The following CPQ variants were observed in gnomAD, a reference collection of about 807,000 sequenced individuals.
CPQ encodes the protein Ser-Met dipeptidase.
Under a neutral mutation model 45.7 loss-of-function variants are expected in CPQ, and 37 were observed. The observed-to-expected ratio is 0.81, with a 90% CI of 0.62 to 1.07. CPQ has a LOEUF of 1.07. CPQ is among the 50% of genes least tolerant of loss of function. The pLI, the probability that CPQ is intolerant of heterozygous loss-of-function variation, is 0.00. For synonymous variants in CPQ, 186 were observed against 205.8 expected, an observed-to-expected ratio of 0.90 and a Z score of 0.82; for missense variants, 537 against 572.9, an observed-to-expected ratio of 0.94 and a Z score of 0.64.
chr8:96,925,983 C>T (rs536687356), intron 4 of CPQ, among the ~76,000 whole-genome samples: 10 of 152,166 alleles, frequency 6.6e-5, no homozygotes, highest in South Asian at 2.1e-4. Context: ...CCACCGCGCC[C>T]GGCTGGCATC....
At chr8:96,924,633 G>A (rs1035395379) in intron 4 of CPQ, among the ~76,000 whole-genome samples, 1 of 152,050 alleles carries the variant, frequency 6.6e-6, no homozygotes, top group Non-Finnish European at 1.5e-5. Context: ...TGGTGTTTTC[G>A]AAAGCAGACA....
intron 1 of CPQ, among the ~76,000 whole-genome samples, chr8:96,751,909 G>A (rs1170139202): frequency 6.6e-6 from 1 of 152,198 alleles, no homozygotes; most frequent in Non-Finnish European, 1.5e-5. Context: ...TTTCCACATT[G>A]TTTGTTTTTG....
intron 4 of CPQ, among the ~76,000 whole-genome samples, chr8:96,896,664 A>G (rs572042214): frequency 6.6e-6 from 1 of 152,240 alleles, no homozygotes; most frequent in South Asian, 2.1e-4. Flanking sequence ...ACACACCCAT[A>G]TACAATGTTT....
chr8:96,721,052 G>A, intron 1 of CPQ, among the ~76,000 whole-genome samples: 1 of 151,360 alleles, frequency 6.6e-6, no homozygotes. Flanking sequence ...TAATCCTATA[G>A]CAGCCACTCT....
chr8:96,719,570 G>A (rs1809735191), intron 1 of CPQ, among the ~76,000 whole-genome samples: 2 of 152,202 alleles, frequency 1.3e-5, no homozygotes, highest in South Asian at 4.1e-4. Context: ...CTCAAGTGCC[G>A]CCAAAGTGGG....
chr8:96,807,661 C>T (rs904246731), intron 2 of CPQ, among the ~76,000 whole-genome samples: 2 of 152,140 alleles, frequency 1.3e-5, no homozygotes, highest in African/African-American at 4.8e-5. Flanking sequence ...CTATGTATAC[C>T]TTGGAGGTCA....
At position 96,835,133 on chromosome 8, in the gene CPQ, G is replaced by A; in HGVS notation, c.594G>A (p.Gly198=). 1 of 1,569,560 alleles carries A rather than the reference G, an allele frequency of 6.4e-7. No individual in the cohort carries two copies. The highest frequency in any genetic ancestry group is 8.7e-7 in the Non-Finnish European group (1 of 1,154,680). Residue 198 remains glycine, a synonymous_variant, in exon 3 of 8, where the codon GGG becomes GGA. Coordinates refer to ENST00000220763, the MANE Select transcript of CPQ (RefSeq NM_016134.4). ...TQGAVEAAKV[G]ALASLIRSVA... ...GGGCGGTGGAAGCTGCCAAGGTGGGGGCTTTGGCATCTCTCATTCGATCCG... is the reference window on the plus strand; with the variant it reads ...GGGCGGTGGAAGCTGCCAAGGTGGGAGCTTTGGCATCTCTCATTCGATCCG...
chr8:96,945,998 T>C (rs1347071420), intron 4 of CPQ, among the ~76,000 whole-genome samples: 1 of 152,076 alleles, frequency 6.6e-6, no homozygotes, highest in East Asian at 1.9e-4. Context: ...AATCCCTGGG[T>C]CATGCTGACC....
At chr8:97,007,564 CCTTA>C (rs1340205593) in intron 5 of CPQ, among the ~76,000 whole-genome samples, 1 of 152,114 alleles carries the variant, frequency 6.6e-6, no homozygotes, top group Non-Finnish European at 1.5e-5. Context: ...TAGAAAAATT[CCTTA>C]CTTACTCAAA....
chr8:96,770,924 T>A (rs1040378705), intron 1 of CPQ, among the ~76,000 whole-genome samples: 33 of 148,806 alleles, frequency 2.2e-4, no homozygotes, highest in African/African-American at 8.1e-4. Context: ...AATAGTTCCC[T>A]CCTTATAACC....
chr8:96,720,720 G>A (rs1168056368), intron 1 of CPQ, among the ~76,000 whole-genome samples: 1 of 151,838 alleles, frequency 6.6e-6, no homozygotes, highest in Non-Finnish European at 1.5e-5. Context: ...CCTCCATGAA[G>A]TTTTAATACC....
At chr8:96,789,013 A>AT (rs917943430) in intron 2 of CPQ, among the ~76,000 whole-genome samples, 57 of 152,082 alleles carry the variant, frequency 3.7e-4, no homozygotes, top group Middle Eastern at 3.4e-3. Context: ...CTTTATTGAT[A>AT]TTTTTTATTT....
intron 1 of CPQ, among the ~76,000 whole-genome samples, chr8:96,747,289 T>G (rs1262642186): frequency 2.0e-5 from 2 of 97,642 alleles, no homozygotes; most frequent in East Asian, 5.2e-4. Flanking sequence ...AATCTTTGTC[T>G]CAAAAAAAAA....
chr8:97,133,486 T>C (rs1323425711), intron 7 of CPQ: 3 of 152,238 alleles, frequency 2.0e-5, no homozygotes, highest in African/African-American at 4.8e-5. Flanking sequence ...GGTAAAGTAA[T>C]ACAATTTTCT....
intron 2 of CPQ, among the ~76,000 whole-genome samples, chr8:96,794,027 G>A (rs1051524773): frequency 7.2e-5 from 11 of 152,188 alleles, no homozygotes; most frequent in Non-Finnish European, 1.5e-4. Flanking sequence ...CAGGTGCACG[G>A]TGCAAGCTGT....
At chr8:96,786,936 A>G (rs1810776448) in intron 2 of CPQ, among the ~76,000 whole-genome samples, 1 of 151,892 alleles carries the variant, frequency 6.6e-6, no homozygotes, top group African/African-American at 2.4e-5. Context: ...CCCTTTTCAT[A>G]TATTTGATTT....
At chr8:96,801,155 T>C (rs1241942515) in intron 2 of CPQ, among the ~76,000 whole-genome samples, 1 of 152,032 alleles carries the variant, frequency 6.6e-6, no homozygotes, top group African/African-American at 2.4e-5. Context: ...TTTGTATTTT[T>C]TGGTAGAGAT....
intron 1 of CPQ, among the ~76,000 whole-genome samples, chr8:96,738,865 G>C (rs1205158241): frequency 1.3e-5 from 2 of 152,020 alleles, no homozygotes; most frequent in East Asian, 3.9e-4. Flanking sequence ...TATCATTGTT[G>C]GACATTTGGG....
chr8:96,799,570 T>C (rs1225172608), intron 2 of CPQ, among the ~76,000 whole-genome samples: 1 of 152,186 alleles, frequency 6.6e-6, no homozygotes, highest in Non-Finnish European at 1.5e-5. Context: ...ATGGGATCAG[T>C]TGACGGATCT....
Sources: allele counts gnomAD v4.1 joint callset (sites outside exome capture counted in the v4.1 genomes callset), GRCh38; gene constraint gnomAD v4.1.1; transcripts MANE v1.5; gene names NCBI Gene and HGNC (gene_info 2026-07-23, HGNC 2026-07-21).